The following KLHL1 variants were observed in gnomAD, a reference collection of about 807,000 sequenced individuals.
KLHL1 encodes the protein kelch-like protein 1.
A neutral mutation model predicts 77.7 loss-of-function variants in KLHL1; 47 were observed. The observed-to-expected ratio is 0.60, with a 90% CI of 0.48 to 0.77. KLHL1 has a LOEUF of 0.77. Among genes scored for constraint, KLHL1 ranks in the 30% least tolerant of loss-of-function variants. The pLI is 0.00. For missense variants in KLHL1, 925 were observed against 910.8 expected (o/e 1.02, Z -0.20); for synonymous variants, 360 against 325.2 (o/e 1.11, Z -1.15).
At chr13:69,876,843 G>A (rs1880785777) in intron 5 of KLHL1, among the ~76,000 whole-genome samples, 1 of 152,114 alleles carries the variant, frequency 6.6e-6, no homozygotes, top group South Asian at 2.1e-4. Context: ...TTCAAGACTA[G>A]CCTGACCAGT....
chr13:69,919,231 A>G (rs1229728297), intron 4 of KLHL1, among the ~76,000 whole-genome samples: 1 of 152,218 alleles, frequency 6.6e-6, no homozygotes, highest in African/African-American at 2.4e-5. Context: ...CTTTCAAAGC[A>G]TCTGTGTTTC....
At chr13:70,100,505 T>C (rs1417353843) in intron 1 of KLHL1, among the ~76,000 whole-genome samples, 2 of 152,300 alleles carry the variant, frequency 1.3e-5, no homozygotes, top group East Asian at 3.9e-4. Context: ...ATAAAAAGTT[T>C]TGTATTTTTA....
At chr13:69,769,911 G>C (rs1195137276) in intron 7 of KLHL1, among the ~76,000 whole-genome samples, 1 of 152,158 alleles carries the variant, frequency 6.6e-6, no homozygotes, top group Non-Finnish European at 1.5e-5. Context: ...TAGCTGGCTT[G>C]CCAAGCTGTG....
intron 1 of KLHL1, among the ~76,000 whole-genome samples, chr13:70,063,291 C>A (rs9317871): frequency 0.33 from 49,579 of 151,826 alleles, 8,779 homozygotes; most frequent in African/African-American, 0.47. Context: ...TCAGGGAGCC[C>A]CTCCACAGAC....
At chr13:69,963,324 C>T (rs566839299) in intron 2 of KLHL1, among the ~76,000 whole-genome samples, 22 of 152,162 alleles carry the variant, frequency 1.4e-4, no homozygotes, top group East Asian at 5.8e-4. Context: ...ATTTGTTCTT[C>T]GGATTAATCT....
intron 5 of KLHL1, among the ~76,000 whole-genome samples, chr13:69,841,424 T>C (rs1049272707): frequency 6.7e-6 from 1 of 149,352 alleles, no homozygotes; most frequent in Non-Finnish European, 1.5e-5. Context: ...CTAATAACAA[T>C]CTAGTTGAGA....
chr13:69,741,234 G>A lies in KLHL1; in HGVS notation c.1640-678C>T, dbSNP rs192461225. On this transcript the variant is annotated intron_variant, in intron 7 of 10. Coordinates refer to ENST00000377844, the MANE Select transcript of KLHL1 (RefSeq NM_020866.3). ...ATAACTAGTACTCATTGCTTTTCTA[G>A]TAAACTCACATCTTCATAAATAAAT... Among the ~76,000 whole-genome samples the A allele has an allele frequency of 2.1e-3, 321 of 152,160 alleles. 3 individuals are homozygous for A. Among genetic ancestry groups the A allele is most frequent in the Non-Finnish European group, 1.3e-3 (88 of 67,996 alleles).
rs1476319752 is a variant in KLHL1, at chr13:69,701,538, C to A, written c.*164G>T. 2 of 577,088 alleles carry A rather than the reference C, an allele frequency of 3.5e-6. No homozygotes were observed. Among genetic ancestry groups the A allele is most frequent in the Non-Finnish European group, 6.2e-6 (2 of 323,674 alleles). The allele number at this position is 577,088 out of a possible 1,614,324, so 35.7% of individuals were successfully genotyped here. A position where few individuals can be genotyped will look rare whatever the true frequency, so the allele number is the denominator to read the frequency against. On this transcript the variant is annotated 3_prime_UTR_variant, in exon 11 of 11. Coordinates refer to ENST00000377844, the MANE Select transcript of KLHL1 (RefSeq NM_020866.3). ...TATAAGTTTAATGTTTTCTTGTTTC[C>A]TACTATTCTGTTTGATCTACTAACT...
Position 69,719,514 on chromosome 13 carries a change from T to C in KLHL1, c.1870A>G (p.Thr624Ala), listed in dbSNP as rs1438948726. The stretch of plus-strand genomic sequence containing the variant: ...GGAGCACACATGTTCCACTTATTTG[T>C]ATGAGGATCATAATATTCCATTGAA... ...LSSMEYYDPH[T>A]NKWNMCAPMC... The change falls in exon 9 of 11, where the codon ACA becomes GCA. Residue 624 changes from threonine to alanine, a missense_variant. Thr to Ala is a moderately conservative substitution (Grantham distance 58). Transcript: ENST00000377844. 3.1e-6 allele frequency: 5 copies of C among 1,613,550 alleles called. No individual in the cohort carries two copies. Among genetic ancestry groups the C allele is most frequent in the South Asian group, 2.2e-5 (2 of 91,076 alleles).
At chr13:69,936,967 A>G (rs749070123) in intron 4 of KLHL1, among the ~76,000 whole-genome samples, 2 of 152,172 alleles carry the variant, frequency 1.3e-5, no homozygotes, top group Non-Finnish European at 2.9e-5. Context: ...CTGCCCGTGG[A>G]GAATAATGGC....
At chr13:69,716,192 C>A (rs191262915) in intron 9 of KLHL1, among the ~76,000 whole-genome samples, 1 of 152,232 alleles carries the variant, frequency 6.6e-6, no homozygotes, top group East Asian at 1.9e-4. Context: ...ATTTCTCTAT[C>A]AATTCATTTG....
intron 1 of KLHL1, among the ~76,000 whole-genome samples, chr13:70,002,159 C>T (rs577416352): frequency 6.6e-6 from 1 of 151,570 alleles, no homozygotes; most frequent in Non-Finnish European, 1.5e-5. Flanking sequence ...CTCCTTAATA[C>T]ATAAAATCAA....
At chr13:69,839,602 G>A (rs993504537) in intron 5 of KLHL1, among the ~76,000 whole-genome samples, 2 of 151,862 alleles carry the variant, frequency 1.3e-5, no homozygotes, top group Non-Finnish European at 2.9e-5. Flanking sequence ...TTCAAGTATA[G>A]TTTAAATCTC....
At chr13:69,855,404 A>AGATAGAGACAGAGATAGAGATACACAGT (rs1555274247) in intron 5 of KLHL1, among the ~76,000 whole-genome samples, 1 of 147,272 alleles carries the variant, frequency 6.8e-6, no homozygotes, top group African/African-American at 2.6e-5. Flanking sequence ...AGATAGATAG[A>AGATAGAGACAGAGATAGAGATACACAGT]GATACAGATA....
intron 2 of KLHL1, among the ~76,000 whole-genome samples, chr13:69,969,997 T>C (rs897286481): frequency 6.6e-6 from 1 of 152,008 alleles, no homozygotes; most frequent in Non-Finnish European, 1.5e-5. Flanking sequence ...CCATTCCTTT[T>C]TTAAATCTAT....
At chr13:70,027,698 C>T (rs1453183280) in intron 1 of KLHL1, among the ~76,000 whole-genome samples, 1 of 108,952 alleles carries the variant, frequency 9.2e-6, no homozygotes, top group Admixed American at 1.2e-4. Context: ...TGTTTGTCAG[C>T]TTGGAGCATA....
chr13:69,956,482 A>G (rs1416144979), intron 3 of KLHL1, among the ~76,000 whole-genome samples: 1 of 151,428 alleles, frequency 6.6e-6, no homozygotes, highest in Non-Finnish European at 1.5e-5. Flanking sequence ...ACCTGCACTG[A>G]ACCACTATAT....
intron 8 of KLHL1, among the ~76,000 whole-genome samples, chr13:69,721,070 T>A (rs866799893): frequency 1.7e-5 from 1 of 60,112 alleles, no homozygotes; most frequent in Non-Finnish European, 4.0e-5. Context: ...AAGATATATA[T>A]ATATATATAA....
chr13:69,998,379 T>G (rs1340458800), intron 1 of KLHL1, among the ~76,000 whole-genome samples: 1 of 152,052 alleles, frequency 6.6e-6, no homozygotes, highest in Admixed American at 6.6e-5. Flanking sequence ...AGCACAATTA[T>G]ACTTCAACTT....
Sources: gnomAD v4.1 joint callset for allele counts (sites outside exome capture counted in the v4.1 genomes callset) on GRCh38, gnomAD v4.1.1 for gene constraint, MANE v1.5 for transcripts, NCBI Gene and HGNC (gene_info 2026-07-23, HGNC 2026-07-21) for gene names.